The following RIMS2 variants were observed in gnomAD, a reference collection of about 807,000 sequenced individuals.
RIMS2 encodes regulating synaptic membrane exocytosis 2.
Under a neutral mutation model 174.4 loss-of-function variants are expected in RIMS2, and 59 were observed. That is an observed-to-expected ratio of 0.34 (90% CI 0.27 to 0.42). The LOEUF is 0.42. Ranked by LOEUF, RIMS2 falls within the 10% of genes least tolerant of loss-of-function variation. RIMS2 has a pLI of 1.00. For synonymous variants in RIMS2, 606 were observed against 572.5 expected, an observed-to-expected ratio of 1.06 and a Z score of -0.84; for missense variants, 1,620 against 1,666.3, an observed-to-expected ratio of 0.97 and a Z score of 0.48.
intron 1 of RIMS2, among the ~76,000 whole-genome samples, chr8:103,672,660 A>G (rs1318804681): frequency 6.6e-6 from 1 of 152,078 alleles, no homozygotes; most frequent in African/African-American, 2.4e-5. Context: ...ATCTAGCCCC[A>G]TGACCCAAAC....
intron 17 of RIMS2, among the ~76,000 whole-genome samples, chr8:104,011,867 T>C (rs2095772650): frequency 2.0e-5 from 3 of 151,994 alleles, no homozygotes; most frequent in South Asian, 2.1e-4. Context: ...GATATACCCT[T>C]TGTTTCTGTT....
At chr8:104,131,309 C>T (rs1357006774) in intron 19 of RIMS2, among the ~76,000 whole-genome samples, 1 of 152,030 alleles carries the variant, frequency 6.6e-6, no homozygotes, top group African/African-American at 2.4e-5. Flanking sequence ...GAAACTAAAC[C>T]AACCTAAACT....
At chr8:103,701,410 C>G (rs996285818) in intron 2 of RIMS2, among the ~76,000 whole-genome samples, 1 of 152,062 alleles carries the variant, frequency 6.6e-6, no homozygotes, top group Non-Finnish European at 1.5e-5. Flanking sequence ...TAAACACTGA[C>G]CATTTCTTTG....
chr8:103,964,190 C>G (rs1490189627), intron 15 of RIMS2, among the ~76,000 whole-genome samples: 1 of 152,164 alleles, frequency 6.6e-6, no homozygotes, highest in Non-Finnish European at 1.5e-5. Context: ...AAACGCCAAC[C>G]AGCACAATTG....
intron 3 of RIMS2, among the ~76,000 whole-genome samples, chr8:103,788,377 C>G: frequency 6.9e-6 from 1 of 145,372 alleles, no homozygotes; most frequent in Admixed American, 6.9e-5. Context: ...TTTTTCTGTT[C>G]TGTTTTTTCC....
chr8:103,642,042 G>A (rs539844251), intron 1 of RIMS2, among the ~76,000 whole-genome samples: 2 of 152,132 alleles, frequency 1.3e-5, no homozygotes, highest in Non-Finnish European at 2.9e-5. Context: ...GACCATTCAC[G>A]TTTAAGGTGA....
At chr8:104,074,384 A>T (rs1025123047) in intron 19 of RIMS2, among the ~76,000 whole-genome samples, 1 of 152,156 alleles carries the variant, frequency 6.6e-6, no homozygotes, top group African/African-American at 2.4e-5. Context: ...ATTAAACGAG[A>T]TGATGTATAT....
chr8:103,647,337 T>G (rs1489823300), intron 1 of RIMS2, among the ~76,000 whole-genome samples: 1 of 151,106 alleles, frequency 6.6e-6, no homozygotes, highest in East Asian at 1.9e-4. Flanking sequence ...TTGGTATCAA[T>G]GTGATATTTT....
chr8:103,501,040 GAGA>G, exon 1 of RIMS2: 10 of 1,609,040 alleles, frequency 6.2e-6, no homozygotes, highest in Non-Finnish European at 8.5e-6. Flanking sequence ...GAAAGAAGAG[GAGA>G]AGGAGCAGTC....
intron 1 of RIMS2, among the ~76,000 whole-genome samples, chr8:103,610,346 G>C (rs989576679): frequency 6.6e-6 from 1 of 152,050 alleles, no homozygotes; most frequent in East Asian, 1.9e-4. Flanking sequence ...TCATTGCTCT[G>C]GTCAGGACTT....
At chr8:103,793,411 G>A (rs899413757) in intron 3 of RIMS2, among the ~76,000 whole-genome samples, 1 of 152,090 alleles carries the variant, frequency 6.6e-6, no homozygotes, top group Non-Finnish European at 1.5e-5. Flanking sequence ...CAATAAACTA[G>A]GTATAGATGA....
intron 1 of RIMS2, among the ~76,000 whole-genome samples, chr8:103,553,834 G>C (rs1452775299): frequency 7.1e-6 from 1 of 141,634 alleles, no homozygotes; most frequent in Non-Finnish European, 1.5e-5. Flanking sequence ...AAACAGCATG[G>C]TACTGGTACA....
At chr8:103,535,090 A>T (rs1488902870) in intron 1 of RIMS2, among the ~76,000 whole-genome samples, 1 of 152,144 alleles carries the variant, frequency 6.6e-6, no homozygotes, top group Admixed American at 6.5e-5. Context: ...ATAAATTGTT[A>T]TTTACGACTT....
chr8:103,831,805 G>A (rs1408262654), intron 3 of RIMS2, among the ~76,000 whole-genome samples: 2 of 152,140 alleles, frequency 1.3e-5, no homozygotes, highest in African/African-American at 4.8e-5. Flanking sequence ...TTGCTGAAAT[G>A]GAAAACCCAA....
chr8:103,904,951 A>C (rs1229621233), intron 4 of RIMS2, among the ~76,000 whole-genome samples: 1 of 152,046 alleles, frequency 6.6e-6, no homozygotes, highest in Non-Finnish European at 1.5e-5. Flanking sequence ...AATATATTAC[A>C]TGTACACAAC....
intron 2 of RIMS2, among the ~76,000 whole-genome samples, chr8:103,760,729 A>G (rs780280518): frequency 6.6e-5 from 10 of 152,234 alleles, no homozygotes; most frequent in Non-Finnish European, 1.2e-4. Flanking sequence ...TACCGTAATT[A>G]TAACAATATT....
intron 19 of RIMS2, among the ~76,000 whole-genome samples, chr8:104,150,440 G>A (rs751234866): frequency 6.6e-6 from 1 of 152,098 alleles, no homozygotes; most frequent in South Asian, 2.1e-4. Flanking sequence ...AAGGTCATAC[G>A]CCAGTGGTGA....
At chr8:104,075,157 AG>A (rs971610640) in intron 19 of RIMS2, among the ~76,000 whole-genome samples, 13 of 152,176 alleles carry the variant, frequency 8.5e-5, no homozygotes, top group African/African-American at 3.1e-4. Flanking sequence ...TGCCTGCTAC[AG>A]GAAGAGCTGC....
rs973653724 is a variant in RIMS2, at chr8:103,826,848, C to CT, written c.699-58438dup. 8.5e-3 allele frequency among the ~76,000 whole-genome samples: 1,229 copies of CT among 143,756 alleles called. 13 individuals carry two copies. The highest frequency in any genetic ancestry group is 0.025 in the African/African-American group (966 of 39,424). 94.3% of individuals were successfully genotyped at this position (143,756 alleles called of 152,430 possible). On this transcript the variant is annotated intron_variant, in intron 3 of 23. Transcript: ENST00000504942. The stretch of plus-strand genomic sequence containing the variant: ...TTTGTAGAGTTTTGTAGAGACAAAA[C>CT]TTTTTTTTTTTTGTCTTGCTATATT...
Sources: gnomAD v4.1 joint callset for allele counts (sites outside exome capture counted in the v4.1 genomes callset) on GRCh38, gnomAD v4.1.1 for gene constraint, MANE v1.5 for transcripts, NCBI Gene and HGNC (gene_info 2026-07-23, HGNC 2026-07-21) for gene names.